AVL9: variants seen among roughly 807,000 people sequenced by gnomAD.
The protein encoded by AVL9 is AVL9 cell migration associated, also known as late secretory pathway protein AVL9 homolog.
A neutral mutation model predicts 79.2 loss-of-function variants in AVL9; 49 were observed. The observed-to-expected ratio is 0.62, with a 90% CI of 0.49 to 0.79. The LOEUF (loss-of-function observed/expected upper bound fraction) is 0.79. Among genes scored for constraint, AVL9 ranks in the 30% least tolerant of loss-of-function variants. The pLI is 0.00. For missense variants in AVL9, 682 were observed against 776.8 expected (o/e 0.88, Z 1.45); for synonymous variants, 299 against 280.6 (o/e 1.07, Z -0.65).
intron 7 of AVL9, 147 bp downstream of exon 7, chr7:32,553,914 C>G: frequency 1.8e-6 from 1 of 546,840 alleles, no homozygotes; most frequent in Non-Finnish European, 3.3e-6. Flanking sequence ...CTAAGATGTA[C>G]TTGGCCTTAT....
chr7:32,575,983 G>A lies in AVL9; in HGVS notation c.1599G>A (p.Gly533=). 1 of 1,613,666 alleles carries A rather than the reference G, an allele frequency of 6.2e-7. No homozygotes were observed. The highest frequency in any genetic ancestry group is 8.5e-7 in the Non-Finnish European group (1 of 1,179,622). The part of the protein sequence containing the change: ...LDNEKILSDY[G]TTFVTAWKNT... ...ATGAAAAGATATTATCGGACTATGGGACAACTTTTGTTACAGCATGGAAGA... is the reference window on the plus strand; with the variant it reads ...ATGAAAAGATATTATCGGACTATGGAACAACTTTTGTTACAGCATGGAAGA... Residue 533 remains glycine (G), a synonymous_variant, in exon 13 of 16, where the codon GGG becomes GGA. Transcript: ENST00000318709.
At chr7:32,567,690 ATTTAT>A (rs1045435271) in intron 10 of AVL9, among the ~76,000 whole-genome samples, 13 of 151,130 alleles carry the variant, frequency 8.6e-5, no homozygotes, top group East Asian at 7.8e-4. Context: ...TTTATTTTTT[ATTTAT>A]TTTATTTTAT....
At chr7:32,539,386 T>C (rs950594609) in intron 1 of AVL9, 3 of 152,222 alleles carry the variant, frequency 2.0e-5, no homozygotes, top group Non-Finnish European at 4.4e-5. Flanking sequence ...CAAAACCTAT[T>C]CTTAAACTAA....
intron 4 of AVL9, among the ~76,000 whole-genome samples, chr7:32,550,608 A>G (rs1789768652): frequency 6.6e-6 from 1 of 152,226 alleles, no homozygotes; most frequent in Non-Finnish European, 1.5e-5. Context: ...ATTGGTCATT[A>G]CATCCTGAAA....
chr7:32,530,675 C>T (rs1335357236), intron 1 of AVL9, among the ~76,000 whole-genome samples: 3 of 152,190 alleles, frequency 2.0e-5, no homozygotes, highest in East Asian at 1.9e-4. Flanking sequence ...TGGCCAGGCA[C>T]GGTGGCTCAC....
chr7:32,497,245 C>G, intron 1 of AVL9, among the ~76,000 whole-genome samples: 1 of 152,218 alleles, frequency 6.6e-6, no homozygotes, highest in Non-Finnish European at 1.5e-5. Context: ...ATCCCAGCTA[C>G]TTGGGAGGCT....
intron 1 of AVL9, among the ~76,000 whole-genome samples, chr7:32,528,398 GTC>G (rs917308122): frequency 1.3e-5 from 2 of 152,190 alleles, no homozygotes; most frequent in East Asian, 3.9e-4. Context: ...ATTGAGACTT[GTC>G]TCTTGTCTCA....
Position 32,497,180 on chromosome 7 carries a change from A to G in AVL9, c.93+1378A>G, listed in dbSNP as rs894054967. On this transcript the variant is annotated intron_variant, in intron 1 of 15. Transcript: ENST00000318709. ...AAACCAGCCTGGACAACACGGTGAA[A>G]CCCCGCCTCTACTAAAAATACAAAA... is the stretch of plus-strand genomic sequence containing the variant. Among the ~76,000 whole-genome samples the G allele has an allele frequency of 3.3e-5, 5 of 151,634 alleles. No homozygotes were observed. The South Asian group carries it at 1.0e-3, about 32-fold the overall frequency.
At chr7:32,523,169 A>C (rs2128124809) in intron 1 of AVL9, among the ~76,000 whole-genome samples, 1 of 151,448 alleles carries the variant, frequency 6.6e-6, no homozygotes, top group African/African-American at 2.4e-5. Flanking sequence ...AAAAAAAAAA[A>C]AAAGGAAAGC....
intron 12 of AVL9, among the ~76,000 whole-genome samples, chr7:32,575,056 T>G (rs1012777681): frequency 2.0e-5 from 3 of 146,694 alleles, no homozygotes; most frequent in Non-Finnish European, 4.6e-5. Context: ...AGCTGAAAAC[T>G]TTATCAGTTT....
Position 32,585,172 on chromosome 7 carries a change from C to G in AVL9, c.*1265C>G, listed in dbSNP as rs1315225278. On this transcript the variant is annotated 3_prime_UTR_variant, in exon 16 of 16. Transcript: ENST00000318709. ...TCAAAGCACTTAGTCTTCTACTTCC[C>G]TAACTGAAAGTCCTCCTATAATCAA... is the stretch of plus-strand genomic sequence containing the variant. The G allele has an allele frequency of 6.6e-6, 1 of 152,198 alleles. No homozygotes were observed. The highest frequency in any genetic ancestry group is 1.5e-5 in the Non-Finnish European group (1 of 68,038). 9.4% of individuals were successfully genotyped at this position (152,198 alleles called of 1,614,324 possible).
Position 32,558,743 on chromosome 7 carries a change from T to C in AVL9, c.679+115T>C, listed in dbSNP as rs1159983372. On this transcript the variant is annotated intron_variant, in intron 9 of 15. Transcript: ENST00000318709. ...TAGGGTTATCCTTTCTATTTTAATATGACGTCTTCCTTTTGGAAATAGGTT... is the reference window on the plus strand; with the variant it reads ...TAGGGTTATCCTTTCTATTTTAATACGACGTCTTCCTTTTGGAAATAGGTT... 3 of 1,065,390 alleles carry C rather than the reference T, an allele frequency of 2.8e-6. No homozygotes were observed. The East Asian group carries it at 7.6e-5, about 27-fold the overall frequency. 66.0% of individuals were successfully genotyped at this position (1,065,390 alleles called of 1,614,324 possible).
chr7:32,584,080 C>T lies in AVL9; in HGVS notation c.*173C>T. The stretch of plus-strand genomic sequence containing the variant: ...GGATGCCGAAATGATGAAATCACAG[C>T]CATAGCAGGGATGGCTTTCCAGGTT... On this transcript the variant is annotated 3_prime_UTR_variant, in exon 16 of 16. Coordinates refer to ENST00000318709, the MANE Select transcript of AVL9 (RefSeq NM_015060.3). The T allele has an allele frequency of 1.5e-6, 1 of 669,786 alleles. No homozygotes were observed. The highest frequency in any genetic ancestry group is 2.8e-6 in the Non-Finnish European group (1 of 359,890). The allele number at this position is 669,786 out of a possible 1,614,324, so 41.5% of individuals were successfully genotyped here.
chr7:32,579,036 G>A (rs946011368), intron 13 of AVL9, among the ~76,000 whole-genome samples: 3 of 151,592 alleles, frequency 2.0e-5, no homozygotes, highest in Non-Finnish European at 4.4e-5. Context: ...CTGTGATTCA[G>A]GAATCCAAGA....
At chr7:32,577,589 A>G (rs1791159356) in intron 13 of AVL9, among the ~76,000 whole-genome samples, 1 of 152,132 alleles carries the variant, frequency 6.6e-6, no homozygotes. Context: ...AGCAGTCAAC[A>G]TGCAGAGCCA....
chr7:32,563,782 G>A (rs1387160921), intron 10 of AVL9, among the ~76,000 whole-genome samples: 1 of 152,092 alleles, frequency 6.6e-6, no homozygotes, highest in Non-Finnish European at 1.5e-5. Flanking sequence ...TTGCAAAAAT[G>A]TACTTGCCCA....
intron 8 of AVL9, among the ~76,000 whole-genome samples, chr7:32,555,962 AGTTT>A (rs1334053276): frequency 1.3e-5 from 2 of 152,208 alleles, no homozygotes; most frequent in African/African-American, 2.4e-5. Flanking sequence ...AGTAACTATT[AGTTT>A]ATCTTGTATG....
At chr7:32,505,772 GT>G (rs935918565) in intron 1 of AVL9, among the ~76,000 whole-genome samples, 2 of 152,044 alleles carry the variant, frequency 1.3e-5, no homozygotes, top group African/African-American at 4.8e-5. Context: ...TAGCTCTGCT[GT>G]TTTTTTATAT....
At chr7:32,567,701 T>C (rs1562793936) in intron 10 of AVL9, among the ~76,000 whole-genome samples, 1 of 151,532 alleles carries the variant, frequency 6.6e-6, no homozygotes, top group East Asian at 1.9e-4. Flanking sequence ...TTTATTTTAT[T>C]TTATTTTTAT....
Sources: gnomAD v4.1 joint callset for allele counts (sites outside exome capture counted in the v4.1 genomes callset) on GRCh38, gnomAD v4.1.1 for gene constraint, MANE v1.5 for transcripts, NCBI Gene and HGNC (gene_info 2026-07-23, HGNC 2026-07-21) for gene names.